DPP10: variants seen among roughly 807,000 people sequenced by gnomAD.
DPP10 encodes the protein dipeptidyl peptidase like 10.
In DPP10, 33 loss-of-function variants were observed where a neutral mutation model predicts 120.9. That is an observed-to-expected ratio of 0.27 (90% CI 0.21 to 0.37). The LOEUF is 0.37. DPP10 is among the 10% of genes least tolerant of loss of function. The pLI is 1.00. For missense variants in DPP10, 816 were observed against 942.8 expected, an observed-to-expected ratio of 0.87 and a Z score of 1.76; for synonymous variants, 337 against 326.1, an observed-to-expected ratio of 1.03 and a Z score of -0.36.
intron 3 of DPP10, among the ~76,000 whole-genome samples, chr2:115,461,984 T>G (rs1439108019): frequency 2.0e-5 from 3 of 152,140 alleles, no homozygotes; most frequent in Non-Finnish European, 4.4e-5. Flanking sequence ...CCATTAAAAC[T>G]TAGAGAAATT....
At chr2:115,202,448 C>CGAGG (rs1408184073) in intron 1 of DPP10, among the ~76,000 whole-genome samples, 1 of 152,104 alleles carries the variant, frequency 6.6e-6, no homozygotes, top group Non-Finnish European at 1.5e-5. Flanking sequence ...TCATCTAATT[C>CGAGG]AGCTTCTTAT....
At chr2:115,478,890 G>A (rs747991655) in intron 3 of DPP10, among the ~76,000 whole-genome samples, 1 of 152,100 alleles carries the variant, frequency 6.6e-6, no homozygotes, top group Non-Finnish European at 1.5e-5. Context: ...CTATCAGAAA[G>A]AAAGTAAATA....
chr2:115,504,191 G>A (rs116640669), intron 4 of DPP10, among the ~76,000 whole-genome samples: 1,720 of 150,166 alleles, frequency 0.011, 27 homozygotes, highest in African/African-American at 0.039. Context: ...GTGTGACCCA[G>A]TTTTCTTACA....
At chr2:115,270,477 G>C (rs2059653252) in intron 1 of DPP10, among the ~76,000 whole-genome samples, 1 of 152,096 alleles carries the variant, frequency 6.6e-6, no homozygotes, top group South Asian at 2.1e-4. Context: ...GTTATTGATT[G>C]GCTAATTTAA....
At chr2:114,981,332 G>A (rs1574626397) in intron 1 of DPP10, among the ~76,000 whole-genome samples, 1 of 151,870 alleles carries the variant, frequency 6.6e-6, no homozygotes, top group African/African-American at 2.4e-5. Context: ...TGGATTACTT[G>A]TAGCCAATAA....
At chr2:115,147,737 T>G (rs1032666378) in intron 1 of DPP10, among the ~76,000 whole-genome samples, 6 of 152,114 alleles carry the variant, frequency 3.9e-5, no homozygotes, top group African/African-American at 1.4e-4. Context: ...ACTCTGAGAA[T>G]GAAAAACTGA....
intron 1 of DPP10, among the ~76,000 whole-genome samples, chr2:115,105,957 A>T (rs1489266552): frequency 6.6e-6 from 1 of 152,152 alleles, no homozygotes; most frequent in African/African-American, 2.4e-5. Context: ...CAAACCTTCT[A>T]ATTTTTATTT....
intron 1 of DPP10, among the ~76,000 whole-genome samples, chr2:114,854,068 T>A (rs1689180856): frequency 6.6e-6 from 1 of 152,202 alleles, no homozygotes; most frequent in African/African-American, 2.4e-5. Flanking sequence ...GGATAATTTG[T>A]TATGCATCAG....
chr2:115,624,870 A>G (rs2085237190), intron 5 of DPP10, among the ~76,000 whole-genome samples: 1 of 152,102 alleles, frequency 6.6e-6, no homozygotes, highest in South Asian at 2.1e-4. Context: ...CTTAATGAAT[A>G]TAGGTATCAT....
At chr2:115,159,142 A>C (rs953292021) in intron 1 of DPP10, among the ~76,000 whole-genome samples, 12 of 152,154 alleles carry the variant, frequency 7.9e-5, no homozygotes, top group African/African-American at 2.9e-4. Context: ...ACCTGGTCTA[A>C]ACATTTTAAT....
chr2:115,081,578 T>C (rs543411941), intron 1 of DPP10, among the ~76,000 whole-genome samples: 12 of 152,360 alleles, frequency 7.9e-5, no homozygotes, highest in African/African-American at 2.6e-4. Context: ...AATTACTTAT[T>C]AATAAATATC....
At chr2:115,237,716 A>T (rs2105537368) in intron 1 of DPP10, among the ~76,000 whole-genome samples, 1 of 152,322 alleles carries the variant, frequency 6.6e-6, no homozygotes, top group South Asian at 2.1e-4. Context: ...CTTATTGCTG[A>T]TATGAAGAAA....
chr2:115,793,532 A>G (rs1242579072), intron 19 of DPP10, among the ~76,000 whole-genome samples: 2 of 151,986 alleles, frequency 1.3e-5, no homozygotes, highest in African/African-American at 4.8e-5. Flanking sequence ...CCTAATATGG[A>G]TAATAGTATT....
At chr2:115,192,561 C>T (rs978328959) in intron 1 of DPP10, among the ~76,000 whole-genome samples, 4 of 152,146 alleles carry the variant, frequency 2.6e-5, no homozygotes, top group Non-Finnish European at 5.9e-5. Context: ...TATCCAGTTT[C>T]CTTCTGAATT....
intron 7 of DPP10, among the ~76,000 whole-genome samples, chr2:115,718,088 AT>A (rs1179773347): frequency 1.3e-5 from 2 of 151,960 alleles, no homozygotes; most frequent in African/African-American, 4.8e-5. Flanking sequence ...GCATATACTT[AT>A]TTTCAGCGTA....
At chr2:115,796,581 G>C (rs148069770) in intron 19 of DPP10, among the ~76,000 whole-genome samples, 2,771 of 152,134 alleles carry the variant, frequency 0.018, 86 homozygotes, top group African/African-American at 0.061. Flanking sequence ...ATTTAGTTTT[G>C]TACTCAGAAT....
chr2:115,391,607 T>A (rs2106543200), intron 3 of DPP10, among the ~76,000 whole-genome samples: 1 of 152,178 alleles, frequency 6.6e-6, no homozygotes. Context: ...GAGGTACCAA[T>A]ATCCATAACA....
chr2:115,578,357 C>T (rs570441232), intron 5 of DPP10, among the ~76,000 whole-genome samples: 15 of 152,240 alleles, frequency 9.9e-5, no homozygotes, highest in Non-Finnish European at 1.6e-4. Context: ...AACACACAAA[C>T]GTACACGTGT....
At chr2:115,300,387 T>A (rs2061072676) in intron 1 of DPP10, among the ~76,000 whole-genome samples, 1 of 152,064 alleles carries the variant, frequency 6.6e-6, no homozygotes, top group Non-Finnish European at 1.5e-5. Flanking sequence ...ATCTATGTTG[T>A]AGCAACTGTC....
Sources: gnomAD v4.1 joint callset for allele counts (sites outside exome capture counted in the v4.1 genomes callset) on GRCh38, gnomAD v4.1.1 for gene constraint, MANE v1.5 for transcripts, NCBI Gene and HGNC (gene_info 2026-07-23, HGNC 2026-07-21) for gene names.